The following ABHD12B variants were observed in gnomAD, a reference collection of about 807,000 sequenced individuals.
ABHD12B encodes the protein protein ABHD12B.
A neutral mutation model predicts 50.4 loss-of-function variants in ABHD12B; 42 were observed. That is an observed-to-expected ratio of 0.83 (90% CI 0.65 to 1.08). ABHD12B has a LOEUF of 1.08. Ranked by LOEUF, ABHD12B falls within the 50% of genes least tolerant of loss-of-function variation. ABHD12B has a pLI of 0.00. For synonymous variants in ABHD12B, 167 were observed against 160.3 expected (o/e 1.04, Z -0.32); for missense variants, 479 against 447.7 (o/e 1.07, Z -0.63).
In ABHD12B at chr14:50,878,864, G is replaced by T. The variant is rs532694995; in HGVS notation, c.335+17G>T. 6.2e-7 allele frequency: 1 copy of T among 1,605,698 alleles called. No homozygotes were observed. Among genetic ancestry groups the T allele is most frequent in the South Asian group, 1.1e-5 (1 of 90,866 alleles). On this transcript the variant is annotated intron_variant, in intron 3 of 12. Transcript: ENST00000337334. The stretch of plus-strand genomic sequence containing the variant: ...AGGGATCTGGTGAGTGCACGGATGG[G>T]ACACCGGGTTGCTTGATGGGGCAGG...
intron 9 of ABHD12B, chr14:50,891,464 C>T (rs1383901503): frequency 1.3e-5 from 2 of 152,228 alleles, no homozygotes; most frequent in Admixed American, 6.5e-5. Flanking sequence ...AGGATGATCT[C>T]AATCTCCTGA....
At chr14:50,885,069 A>G (rs2142739744) in intron 5 of ABHD12B, among the ~76,000 whole-genome samples, 1 of 152,268 alleles carries the variant, frequency 6.6e-6, no homozygotes, top group African/African-American at 2.4e-5. Flanking sequence ...TAATATTTAC[A>G]TATGTAAATG....
intron 3 of ABHD12B, among the ~76,000 whole-genome samples, chr14:50,879,264 C>T (rs916563486): frequency 5.9e-5 from 9 of 152,186 alleles, no homozygotes; most frequent in Non-Finnish European, 1.5e-5. Flanking sequence ...AAAGCCTTTC[C>T]TCACTGCCCG....
At chr14:50,874,099 C>T (rs1243417357) in intron 1 of ABHD12B, among the ~76,000 whole-genome samples, 1 of 152,186 alleles carries the variant, frequency 6.6e-6, no homozygotes, top group African/African-American at 2.4e-5. Context: ...GCTTGCCATG[C>T]CCCTGGCCCT....
intron 9 of ABHD12B, among the ~76,000 whole-genome samples, chr14:50,900,242 TAAAC>T (rs957339072): frequency 6.6e-6 from 1 of 152,126 alleles, no homozygotes; most frequent in African/African-American, 2.4e-5. Flanking sequence ...TGTCTCAAAA[TAAAC>T]AAACAAATAA....
At chr14:50,891,037 T>C (rs2142752242) in intron 9 of ABHD12B, 1 of 152,342 alleles carries the variant, frequency 6.6e-6, no homozygotes, top group South Asian at 2.1e-4. Context: ...ACTTTTAATA[T>C]GTTTATTAGC....
intron 1 of ABHD12B, among the ~76,000 whole-genome samples, chr14:50,875,645 A>C (rs569612553): frequency 2.0e-5 from 3 of 152,308 alleles, no homozygotes; most frequent in South Asian, 4.1e-4. Context: ...AATAAGGTCT[A>C]TTAGCCACTG....
At chr14:50,903,315 A>G in intron 10 of ABHD12B, 74 bp from the exon 11 acceptor site, 1 of 1,196,812 alleles carries the variant, frequency 8.4e-7, no homozygotes, top group Admixed American at 2.1e-5. Context: ...GTTTTGCTAA[A>G]GCTTTAACTT....
At chr14:50,879,332 T>C (rs1566484309) in intron 3 of ABHD12B, among the ~76,000 whole-genome samples, 1 of 152,230 alleles carries the variant, frequency 6.6e-6, no homozygotes, top group Non-Finnish European at 1.5e-5. Context: ...ATTATTCCCA[T>C]TGTCATGAAA....
At chr14:50,896,213 C>T (rs1438196245) in intron 9 of ABHD12B, among the ~76,000 whole-genome samples, 1 of 152,150 alleles carries the variant, frequency 6.6e-6, no homozygotes, top group African/African-American at 2.4e-5. Context: ...TTATCACTCA[C>T]CTGCTACAGC....
chr14:50,889,562 C>T (rs530494079), intron 9 of ABHD12B, among the ~76,000 whole-genome samples: 7 of 152,230 alleles, frequency 4.6e-5, no homozygotes, highest in East Asian at 1.9e-4. Flanking sequence ...CGCTTGAACC[C>T]GGGAGGCAGA....
intron 9 of ABHD12B, chr14:50,891,375 T>A (rs2081754043): frequency 6.6e-6 from 1 of 152,306 alleles, no homozygotes; most frequent in African/African-American, 2.4e-5. Context: ...CCCGAGTAGC[T>A]GGGACTACAG....
chr14:50,889,399 G>C (rs1291223937), intron 9 of ABHD12B, among the ~76,000 whole-genome samples: 1 of 152,204 alleles, frequency 6.6e-6, no homozygotes, highest in Non-Finnish European at 1.5e-5. Flanking sequence ...CAGCACTTGG[G>C]GAGGCTGAGG....
chr14:50,891,940 G>A (rs530959866), intron 9 of ABHD12B: 2 of 152,236 alleles, frequency 1.3e-5, no homozygotes, highest in African/African-American at 4.8e-5. Flanking sequence ...TTTATAATAT[G>A]TCTTGATATC....
intron 10 of ABHD12B, among the ~76,000 whole-genome samples, chr14:50,902,444 A>G (rs1023128281): frequency 1.3e-5 from 2 of 152,232 alleles, no homozygotes; most frequent in African/African-American, 4.8e-5. Flanking sequence ...TGATTGTGCC[A>G]CTGCACTCCA....
chr14:50,885,985 G>C (rs918276288), intron 7 of ABHD12B, 90 bp downstream of exon 7: 5 of 1,559,972 alleles, frequency 3.2e-6, no homozygotes, highest in Non-Finnish European at 3.5e-6. Flanking sequence ...AGGGAGCACC[G>C]AGCCAGAAGA....
chr14:50,888,594 TG>T (rs1015732892), intron 8 of ABHD12B, among the ~76,000 whole-genome samples: 4 of 152,058 alleles, frequency 2.6e-5, no homozygotes, highest in Non-Finnish European at 4.4e-5. Flanking sequence ...AGAAACCTCT[TG>T]GGGAGGGGAG....
chr14:50,894,138 C>T (rs2050159462), intron 9 of ABHD12B, among the ~76,000 whole-genome samples: 3 of 151,236 alleles, frequency 2.0e-5, no homozygotes, highest in African/African-American at 7.3e-5. Flanking sequence ...CTTCTCTGCT[C>T]TTCTGGGGGA....
At chr14:50,889,095 A>AT (rs1426143089) in intron 9 of ABHD12B, among the ~76,000 whole-genome samples, 192 bp downstream of exon 9, 8 of 152,222 alleles carry the variant, frequency 5.3e-5, no homozygotes, top group Admixed American at 5.2e-4. Flanking sequence ...GTCGGATTTG[A>AT]TATTTCCTTC....
Sources: gnomAD v4.1 joint callset for allele counts (sites outside exome capture counted in the v4.1 genomes callset) on GRCh38, gnomAD v4.1.1 for gene constraint, MANE v1.5 for transcripts, NCBI Gene and HGNC (gene_info 2026-07-23, HGNC 2026-07-21) for gene names.